CHCHD3: variants seen among roughly 807,000 people sequenced by gnomAD.
CHCHD3 encodes coiled-coil-helix-coiled-coil-helix domain containing 3, also known as MICOS complex subunit MIC19.
Under a neutral mutation model 38.2 loss-of-function variants are expected in CHCHD3, and 20 were observed. The ratio of observed to expected loss-of-function variants is 0.52; its 90% CI spans 0.37 to 0.76. CHCHD3 has a LOEUF of 0.76. Among genes scored for constraint, CHCHD3 ranks in the 30% least tolerant of loss-of-function variants. The pLI is 0.00. For synonymous variants in CHCHD3, 82 were observed against 100.0 expected, an observed-to-expected ratio of 0.82 and a Z score of 1.07; for missense variants, 245 against 279.2, an observed-to-expected ratio of 0.88 and a Z score of 0.87.
At chr7:132,852,042 G>A (rs1026294784) in intron 5 of CHCHD3, among the ~76,000 whole-genome samples, 2 of 152,108 alleles carry the variant, frequency 1.3e-5, no homozygotes, top group East Asian at 1.9e-4. Flanking sequence ...CAGCCTTACC[G>A]TAGATGAAGC....
chr7:132,807,172 G>C (rs1399469597), intron 6 of CHCHD3, among the ~76,000 whole-genome samples: 1 of 152,206 alleles, frequency 6.6e-6, no homozygotes, highest in African/African-American at 2.4e-5. Context: ...GAACAGCAGA[G>C]ACGGAGTATG....
At chr7:133,000,217 T>G (rs1257485885) in intron 3 of CHCHD3, among the ~76,000 whole-genome samples, 1 of 152,130 alleles carries the variant, frequency 6.6e-6, no homozygotes, top group Non-Finnish European at 1.5e-5. Flanking sequence ...GTTAAACCAT[T>G]TAAAAGAATT....
At chr7:133,023,812 C>G (rs1414771799) in intron 3 of CHCHD3, among the ~76,000 whole-genome samples, 1 of 152,010 alleles carries the variant, frequency 6.6e-6, no homozygotes, top group Non-Finnish European at 1.5e-5. Flanking sequence ...GCACACAGGG[C>G]TATAACTGAT....
chr7:133,075,398 A>AAGC (rs1405220216), intron 1 of CHCHD3, among the ~76,000 whole-genome samples: 2 of 152,192 alleles, frequency 1.3e-5, no homozygotes, highest in Non-Finnish European at 2.9e-5. Flanking sequence ...GGCCCTTCCA[A>AAGC]AGCAGCACCC....
intron 4 of CHCHD3, among the ~76,000 whole-genome samples, chr7:132,942,424 C>T (rs1365324993): frequency 6.6e-6 from 1 of 152,106 alleles, no homozygotes; most frequent in Non-Finnish European, 1.5e-5. Context: ...CCTACCCATC[C>T]AGACTTTTGA....
At chr7:132,907,608 G>A (rs896249698) in intron 4 of CHCHD3, among the ~76,000 whole-genome samples, 1 of 152,122 alleles carries the variant, frequency 6.6e-6, no homozygotes. Flanking sequence ...AAATAAGTGA[G>A]AACTAGTCTG....
At chr7:132,861,563 A>G (rs1192927946) in intron 5 of CHCHD3, among the ~76,000 whole-genome samples, 1 of 152,160 alleles carries the variant, frequency 6.6e-6, no homozygotes, top group Non-Finnish European at 1.5e-5. Flanking sequence ...TATCCTCAGG[A>G]ACTTCTAGGG....
chr7:132,833,482 AGAG>A (rs1257445935), intron 6 of CHCHD3, among the ~76,000 whole-genome samples: 1 of 152,188 alleles, frequency 6.6e-6, no homozygotes, highest in African/African-American at 2.4e-5. Context: ...TCACCCCAAA[AGAG>A]GAGAACTAAC....
chr7:132,915,949 A>T (rs1310908664), intron 4 of CHCHD3, among the ~76,000 whole-genome samples: 2 of 148,346 alleles, frequency 1.3e-5, no homozygotes, highest in Non-Finnish European at 3.0e-5. Flanking sequence ...ATTTTTTAAT[A>T]AAAAAATTTT....
intron 3 of CHCHD3, among the ~76,000 whole-genome samples, chr7:132,996,658 T>C (rs1458099025): frequency 6.6e-6 from 1 of 152,208 alleles, no homozygotes; most frequent in Non-Finnish European, 1.5e-5. Flanking sequence ...AATTGAATCG[T>C]TACAGAATTG....
chr7:132,935,726 T>C (rs1315972752), intron 4 of CHCHD3, among the ~76,000 whole-genome samples: 1 of 152,170 alleles, frequency 6.6e-6, no homozygotes, highest in African/African-American at 2.4e-5. Context: ...AAGCTTCCTT[T>C]CTATCATAGG....
At chr7:133,034,689 G>A (rs773649059) in intron 2 of CHCHD3, 13 of 1,612,830 alleles carry the variant, frequency 8.1e-6, no homozygotes, top group Middle Eastern at 1.6e-4. Flanking sequence ...TCGAACCAGC[G>A]TCTGGGTCTC....
intron 5 of CHCHD3, among the ~76,000 whole-genome samples, chr7:132,882,480 TA>T (rs1809089764): frequency 5.3e-5 from 1 of 18,784 alleles, no homozygotes; most frequent in Admixed American, 3.1e-4. Flanking sequence ...TATATATATA[TA>T]TATATATATA....
intron 4 of CHCHD3, among the ~76,000 whole-genome samples, chr7:132,919,178 G>A (rs948360334): frequency 1.6e-5 from 2 of 126,238 alleles, no homozygotes; most frequent in African/African-American, 3.0e-5. Context: ...GCGCGATCTC[G>A]GCTCACTGCA....
chr7:132,870,409 A>G (rs942787387), intron 5 of CHCHD3, among the ~76,000 whole-genome samples: 3 of 151,722 alleles, frequency 2.0e-5, no homozygotes, highest in Admixed American at 6.6e-5. Flanking sequence ...GTGTTTCCAG[A>G]TTCAATCCCT....
chr7:132,895,614 T>C (rs1809475889), intron 4 of CHCHD3, among the ~76,000 whole-genome samples: 1 of 152,250 alleles, frequency 6.6e-6, no homozygotes, highest in African/African-American at 2.4e-5. Flanking sequence ...AGGTTTTTCC[T>C]GTGCTGTCCT....
chr7:132,969,904 T>C (rs1053804068), intron 4 of CHCHD3, among the ~76,000 whole-genome samples: 3 of 152,114 alleles, frequency 2.0e-5, no homozygotes, highest in African/African-American at 7.2e-5. Flanking sequence ...GTCTCGACCA[T>C]AAAGGGATAG....
intron 3 of CHCHD3, among the ~76,000 whole-genome samples, chr7:133,020,581 A>T (rs746841285): frequency 2.0e-5 from 3 of 152,168 alleles, no homozygotes; most frequent in Non-Finnish European, 2.9e-5. Flanking sequence ...CAATTCTAGG[A>T]TGCATATTTT....
At chr7:132,886,298 T>C (rs913258521) in intron 4 of CHCHD3, among the ~76,000 whole-genome samples, 4 of 152,064 alleles carry the variant, frequency 2.6e-5, no homozygotes, top group Non-Finnish European at 5.9e-5. Context: ...ATAATCATAA[T>C]AAATAACCAT....
Sources: allele counts gnomAD v4.1 joint callset (sites outside exome capture counted in the v4.1 genomes callset), GRCh38; gene constraint gnomAD v4.1.1; transcripts MANE v1.5; gene names NCBI Gene and HGNC (gene_info 2026-07-23, HGNC 2026-07-21).